Variants in KCNG3 observed in about 807,000 individuals in gnomAD.
The protein encoded by KCNG3 is voltage-gated potassium channel regulatory subunit KCNG3.
Under a neutral mutation model 29.0 loss-of-function variants are expected in KCNG3, and 15 were observed. That is an observed-to-expected ratio of 0.52 (90% CI 0.35 to 0.80). The LOEUF is 0.80. Among genes scored for constraint, KCNG3 ranks in the 30% least tolerant of loss-of-function variants. The probability of loss-of-function intolerance (pLI) is 0.01; values close to 1 mark genes in which losing one functional copy is unlikely to be tolerated. For missense variants in KCNG3, 512 were observed against 605.7 expected, an observed-to-expected ratio of 0.85 and a Z score of 1.62; for synonymous variants, 322 against 248.9, an observed-to-expected ratio of 1.29 and a Z score of -2.76.
the KCNG3 span, among the ~76,000 whole-genome samples, chr2:42,391,595 CT>C: frequency 0.016 from 1,402 of 88,072 alleles, 5 homozygotes; most frequent in African/African-American, 0.049. Flanking sequence ...TTTTATATCT[CT>C]TTTTTTTTTT....
At chr2:42,425,208 G>C in the KCNG3 span, 3 of 150,904 alleles carry the variant, frequency 2.0e-5, no homozygotes, top group Admixed American at 6.6e-5. Flanking sequence ...AGCCAGCCCG[G>C]CCAGCATGGC....
At chr2:42,428,442 G>C in the KCNG3 span, among the ~76,000 whole-genome samples, 6 of 133,518 alleles carry the variant, frequency 4.5e-5, no homozygotes, top group African/African-American at 8.5e-5. Flanking sequence ...GTTGGGGTGA[G>C]AGAGACCCGG....
At chr2:42,436,660 G>C in the KCNG3 span, among the ~76,000 whole-genome samples, 1 of 152,180 alleles carries the variant, frequency 6.6e-6, no homozygotes, top group African/African-American at 2.4e-5. Context: ...CAAATACAGT[G>C]AGGGCAAAGC....
At chr2:42,410,253 T>A in the KCNG3 span, among the ~76,000 whole-genome samples, 1 of 152,206 alleles carries the variant, frequency 6.6e-6, no homozygotes, top group African/African-American at 2.4e-5. Flanking sequence ...TTATATACAA[T>A]GCACAATGAA....
intron 1 of KCNG3, among the ~76,000 whole-genome samples, chr2:42,491,277 C>T (rs1673868798): frequency 6.6e-6 from 1 of 152,030 alleles, no homozygotes; most frequent in Non-Finnish European, 1.5e-5. Flanking sequence ...CTCCATATGG[C>T]CCTTTCCCTC....
intron 1 of KCNG3, among the ~76,000 whole-genome samples, chr2:42,445,184 T>C (rs186596232): frequency 5.3e-5 from 8 of 152,214 alleles, no homozygotes; most frequent in Non-Finnish European, 1.0e-4. Context: ...ATATCTCTCT[T>C]ATTTGGTAGT....
the KCNG3 span, among the ~76,000 whole-genome samples, chr2:42,393,323 G>T: frequency 6.6e-6 from 1 of 151,534 alleles, no homozygotes; most frequent in Non-Finnish European, 1.5e-5. Context: ...AACTTTGAGA[G>T]GCCAAGGTGG....
chr2:42,461,740 C>T (rs1673022666), intron 1 of KCNG3, among the ~76,000 whole-genome samples: 1 of 152,180 alleles, frequency 6.6e-6, no homozygotes, highest in Non-Finnish European at 1.5e-5. Context: ...GTTCCTATTC[C>T]ATACATGACT....
At chr2:42,428,471 A>AAG in the KCNG3 span, among the ~76,000 whole-genome samples, 5 of 148,700 alleles carry the variant, frequency 3.4e-5, no homozygotes, top group African/African-American at 7.5e-5. Context: ...AAAAAAAAAA[A>AAG]AAAAAAAGAA....
rs201336395 is a variant in KCNG3, at chr2:42,461,182, C to A, written c.666-16603G>T. Among the ~76,000 whole-genome samples the A allele has an allele frequency of 8.1e-3, 455 of 56,406 alleles. 2 individuals are homozygous for A. Among genetic ancestry groups the A allele is most frequent in the Non-Finnish European group, 0.01 (302 of 29,700 alleles). 37.0% of individuals were successfully genotyped at this position (56,406 alleles called of 152,430 possible). A position where few individuals can be genotyped will look rare whatever the true frequency, so the allele number is the denominator to read the frequency against. On this transcript the variant is annotated intron_variant, in intron 1 of 1. Transcript: ENST00000306078. Reference sequence around the variant, plus strand: ...TCTCCAAAAACAAAACAAAACAAAACAAAAAAAAAAAAAAAAAAAAAAAGG... The same window carrying A: ...TCTCCAAAAACAAAACAAAACAAAAAAAAAAAAAAAAAAAAAAAAAAAAGG...
intron 1 of KCNG3, among the ~76,000 whole-genome samples, chr2:42,464,744 A>C (rs1193160790): frequency 6.6e-6 from 1 of 152,148 alleles, no homozygotes; most frequent in African/African-American, 2.4e-5. Context: ...TCACCACCCC[A>C]GGGAATCCTT....
intron 1 of KCNG3, among the ~76,000 whole-genome samples, chr2:42,474,202 G>C (rs56926376): frequency 1.3e-5 from 2 of 151,392 alleles, no homozygotes; most frequent in African/African-American, 4.9e-5. Context: ...TGCTCTGGGC[G>C]ACAGAGCAAG....
At chr2:42,404,831 G>A in the KCNG3 span, among the ~76,000 whole-genome samples, 3 of 152,206 alleles carry the variant, frequency 2.0e-5, no homozygotes, top group South Asian at 2.1e-4. Flanking sequence ...TTGCAATCCC[G>A]GGTCACAAAG....
At chr2:42,404,714 G>A in the KCNG3 span, among the ~76,000 whole-genome samples, 1 of 152,078 alleles carries the variant, frequency 6.6e-6, no homozygotes, top group African/African-American at 2.4e-5. Flanking sequence ...GGCAACGGAG[G>A]AAGACCCCAT....
At chr2:42,403,946 A>G in the KCNG3 span, among the ~76,000 whole-genome samples, 3 of 151,916 alleles carry the variant, frequency 2.0e-5, no homozygotes. Context: ...CTTCTGTTTT[A>G]CTCTCTTTAT....
the KCNG3 span, among the ~76,000 whole-genome samples, chr2:42,430,872 G>C: frequency 5.9e-5 from 9 of 152,252 alleles, no homozygotes; most frequent in African/African-American, 1.9e-4. Flanking sequence ...AACTTTGGGA[G>C]GCTGAGGTGG....
chr2:42,421,424 G>A, the KCNG3 span, among the ~76,000 whole-genome samples: 1 of 152,118 alleles, frequency 6.6e-6, no homozygotes, highest in Non-Finnish European at 1.5e-5. Context: ...AAGACCTAAA[G>A]GATAATCAGG....
At chr2:42,390,536 G>A in the KCNG3 span, among the ~76,000 whole-genome samples, 16 of 152,312 alleles carry the variant, frequency 1.1e-4, no homozygotes, top group African/African-American at 3.1e-4. Context: ...AGTGAACGAA[G>A]GAGTGAGAAA....
At chr2:42,414,048 G>C in the KCNG3 span, among the ~76,000 whole-genome samples, 40 of 152,066 alleles carry the variant, frequency 2.6e-4, no homozygotes, top group Non-Finnish European at 4.9e-4. Flanking sequence ...ACTTGTTTTT[G>C]GCCTAGAATG....
Sources: allele counts gnomAD v4.1 joint callset (sites outside exome capture counted in the v4.1 genomes callset), GRCh38; gene constraint gnomAD v4.1.1; transcripts MANE v1.5; gene names NCBI Gene and HGNC (gene_info 2026-07-23, HGNC 2026-07-21).